The following RPS6KA3 variants were observed in gnomAD, a reference collection of about 807,000 sequenced individuals.
RPS6KA3 encodes the protein ribosomal protein S6 kinase A3, also known as ribosomal protein S6 kinase alpha-3.
In RPS6KA3, 4 loss-of-function variants were observed where a neutral mutation model predicts 67.2. The ratio of observed to expected loss-of-function variants is 0.06; its 90% CI spans 0.03 to 0.14. The LOEUF (loss-of-function observed/expected upper bound fraction) is 0.14. Ranked by LOEUF, RPS6KA3 falls within the 10% of genes least tolerant of loss-of-function variation. The probability of loss-of-function intolerance (pLI) is 1.00; values close to 1 mark genes in which losing one functional copy is unlikely to be tolerated. For missense variants in RPS6KA3, 204 were observed against 559.0 expected (o/e 0.36, Z 6.40); for synonymous variants, 182 against 183.7 (o/e 0.99, Z 0.07).
intron 20 of RPS6KA3, among the ~76,000 whole-genome samples, chrX:20,160,212 G>A (rs2067274081): frequency 9.0e-6 from 1 of 111,728 alleles, no homozygotes; most frequent in Non-Finnish European, 1.9e-5. Context: ...ACACTGCACC[G>A]TATATTTTTG....
At chrX:20,225,810 CTTCAG>C (rs2069105847) in intron 2 of RPS6KA3, among the ~76,000 whole-genome samples, 2 of 111,738 alleles carry the variant, frequency 1.8e-5, no homozygotes, top group South Asian at 7.4e-4. Flanking sequence ...AAAGTTTTTA[CTTCAG>C]TTAAGTAAAG....
intron 2 of RPS6KA3, among the ~76,000 whole-genome samples, chrX:20,220,264 G>A (rs2068955831): frequency 9.0e-6 from 1 of 111,259 alleles, no homozygotes; most frequent in African/African-American, 3.3e-5. Flanking sequence ...AAATACATTA[G>A]CAGCAACAGG....
At chrX:20,247,791 G>GA (rs754788820) in intron 1 of RPS6KA3, among the ~76,000 whole-genome samples, 305 of 39,370 alleles carry the variant, frequency 7.7e-3, no homozygotes, top group Middle Eastern at 0.016. Flanking sequence ...CGTCTCAAAA[G>GA]AAAAAAAAAA....
chrX:20,233,143 A>G (rs2069318012), intron 2 of RPS6KA3, among the ~76,000 whole-genome samples: 1 of 111,846 alleles, frequency 8.9e-6, no homozygotes, highest in Non-Finnish European at 1.9e-5. Context: ...CTCAAAAAAG[A>G]AAAAAAGAAA....
chrX:20,265,653 G>A (rs948023221), intron 1 of RPS6KA3: 1 of 111,771 alleles, frequency 8.9e-6, no homozygotes, highest in Non-Finnish European at 1.9e-5. Flanking sequence ...TGATACCTTG[G>A]AACGGGTCTT....
In RPS6KA3 at chrX:20,206,443, A is replaced by T. The variant is rs754504881; in HGVS notation, c.244-2340T>A. 4.5e-5 allele frequency among the ~76,000 whole-genome samples: 5 copies of T among 111,684 alleles called. No homozygotes were observed. The East Asian group carries it at 1.4e-3, about 31-fold the overall frequency. On this transcript the variant is annotated intron_variant, in intron 3 of 21. Transcript: ENST00000379565. ...GTGTGATAATTTAATTTAATACCAG[A>T]TATTATATGCTTGGCCTTTTATCAT...
intron 4 of RPS6KA3, among the ~76,000 whole-genome samples, chrX:20,199,021 G>C (rs1010893346): frequency 3.6e-5 from 4 of 110,482 alleles, no homozygotes; most frequent in Non-Finnish European, 5.7e-5. Context: ...ACAGGTGCCC[G>C]CCACCACACC....
intron 10 of RPS6KA3, among the ~76,000 whole-genome samples, chrX:20,179,420 G>T (rs1446705798): frequency 9.0e-6 from 1 of 110,969 alleles, no homozygotes; most frequent in East Asian, 2.8e-4. Context: ...AAAGAGTGCA[G>T]AGGGGGAAGA....
At chrX:20,190,477 T>C (rs992375450) in intron 7 of RPS6KA3, among the ~76,000 whole-genome samples, 1 of 112,197 alleles carries the variant, frequency 8.9e-6, no homozygotes, top group African/African-American at 3.2e-5. Flanking sequence ...TATTAAAGCC[T>C]TGAGACAGGG....
chrX:20,190,981 AT>A (rs2068108091), intron 7 of RPS6KA3, among the ~76,000 whole-genome samples: 1 of 109,792 alleles, frequency 9.1e-6, no homozygotes, highest in Admixed American at 9.8e-5. Flanking sequence ...TTAACCCGTC[AT>A]TTACATTAGG....
At chrX:20,156,270 C>T (rs770627056) in intron 20 of RPS6KA3, 21 bp from the exon 21 acceptor site, 2 of 1,203,133 alleles carry the variant, frequency 1.7e-6, no homozygotes, top group South Asian at 3.5e-5. Context: ...AATAATAAAA[C>T]AAGCTTAAAC....
chrX:20,174,538 G>A (rs1296790845), intron 14 of RPS6KA3, among the ~76,000 whole-genome samples: 3 of 107,498 alleles, frequency 2.8e-5, no homozygotes, highest in African/African-American at 1.0e-4. Flanking sequence ...TAGTAGAGAC[G>A]GGGTTTCACT....
chrX:20,208,466 A>G (rs1347733552), intron 3 of RPS6KA3, among the ~76,000 whole-genome samples: 1 of 111,765 alleles, frequency 8.9e-6, no homozygotes, highest in African/African-American at 3.3e-5. Context: ...CTGTAATCCC[A>G]GCATTTTGGG....
intron 4 of RPS6KA3, among the ~76,000 whole-genome samples, chrX:20,200,170 A>G (rs183082761): frequency 5.3e-4 from 60 of 112,710 alleles, no homozygotes; most frequent in Middle Eastern, 9.1e-3. Context: ...AAGCTGTAAC[A>G]ATGAAAACAT....
At chrX:20,173,883 A>G (rs1487647787) in intron 14 of RPS6KA3, among the ~76,000 whole-genome samples, 1 of 112,771 alleles carries the variant, frequency 8.9e-6, no homozygotes, top group Non-Finnish European at 1.9e-5. Flanking sequence ...AAAGAATCCA[A>G]TGCTTCAAAA....
chrX:20,262,544 T>A (rs2070262268), intron 1 of RPS6KA3, among the ~76,000 whole-genome samples: 1 of 112,205 alleles, frequency 8.9e-6, no homozygotes, highest in African/African-American at 3.2e-5. Context: ...ACATTTTGAA[T>A]CTACCCCATT....
intron 1 of RPS6KA3, among the ~76,000 whole-genome samples, chrX:20,248,445 G>A (rs2069762546): frequency 9.0e-6 from 1 of 111,544 alleles, no homozygotes; most frequent in South Asian, 3.7e-4. Flanking sequence ...CTGGGAATAA[G>A]TTTTTAATTG....
At chrX:20,164,390 T>C (rs1266532634) in intron 18 of RPS6KA3, among the ~76,000 whole-genome samples, 1 of 105,672 alleles carries the variant, frequency 9.5e-6, no homozygotes, top group Non-Finnish European at 2.0e-5. Context: ...AGGGTTGTTT[T>C]TTTTTTTTTT....
intron 2 of RPS6KA3, among the ~76,000 whole-genome samples, chrX:20,225,385 T>A (rs2069095269): frequency 9.1e-6 from 1 of 109,298 alleles, no homozygotes; most frequent in African/African-American, 3.3e-5. Context: ...TCCTGGTGTA[T>A]ACACCCTATT....
Sources: allele counts gnomAD v4.1 joint callset (sites outside exome capture counted in the v4.1 genomes callset), GRCh38; gene constraint gnomAD v4.1.1; transcripts MANE v1.5; gene names NCBI Gene and HGNC (gene_info 2026-07-23, HGNC 2026-07-21).